Variants in ATF6 observed in about 807,000 individuals in gnomAD.
ATF6 encodes the protein activating transcription factor 6, also known as cyclic AMP-dependent transcription factor ATF-6 alpha.
Under a neutral mutation model 83.6 loss-of-function variants are expected in ATF6, and 53 were observed. The observed-to-expected ratio is 0.63, with a 90% confidence interval of 0.51 to 0.80. ATF6 has a LOEUF of 0.80. Ranked by LOEUF, ATF6 falls within the 30% of genes least tolerant of loss-of-function variation. ATF6 has a pLI of 0.00. For missense variants in ATF6, 744 were observed against 797.9 expected (o/e 0.93, Z 0.81); for synonymous variants, 288 against 285.8 (o/e 1.01, Z -0.08).
chr1:161,804,822 T>G (rs906481436), intron 7 of ATF6, among the ~76,000 whole-genome samples: 1 of 152,112 alleles, frequency 6.6e-6, no homozygotes, highest in African/African-American at 2.4e-5. Context: ...CAGACATCCT[T>G]TATTAGTTCT....
At chr1:161,863,343 AT>A in intron 14 of ATF6, 31 bp downstream of exon 14, 1 of 1,413,314 alleles carries the variant, frequency 7.1e-7, no homozygotes, top group Non-Finnish European at 1.0e-6. Flanking sequence ...TAGAGCAAAT[AT>A]TTTTGAGTGC....
intron 14 of ATF6, among the ~76,000 whole-genome samples, chr1:161,865,421 G>A (rs186431182): frequency 2.4e-4 from 37 of 152,310 alleles, no homozygotes; most frequent in African/African-American, 8.2e-4. Context: ...GCCTCCCAGA[G>A]TGCTGGAATT....
Position 161,791,432 on chromosome 1 carries a change from T to C in ATF6, c.379T>C (p.Ser127Pro). ...VPEELDLSSS[S>P]QMSPLSLYGE... ...GGAGGAGTTGGATTTGTCTTCTAGT[T>C]CTCAGATGTCTCCCCTTTCCTTATA... The change falls in exon 5 of 16, where the codon TCT becomes CCT. Residue 127 changes from serine (S) to proline (P), a missense_variant. Physicochemically the swap from Ser to Pro is moderately conservative, Grantham distance 74. Coordinates refer to ENST00000367942, the MANE Select transcript of ATF6 (RefSeq NM_007348.4). 1 of 1,610,494 alleles carries C rather than the reference T, an allele frequency of 6.2e-7. No homozygotes were observed. Among genetic ancestry groups the C allele is most frequent in the Non-Finnish European group, 8.5e-7 (1 of 1,179,062 alleles).
chr1:161,846,325 C>T, intron 9 of ATF6, 124 bp from the exon 10 acceptor site: 1 of 1,056,896 alleles, frequency 9.5e-7, no homozygotes, highest in Non-Finnish European at 1.3e-6. Context: ...TGCGTCTATG[C>T]CTAGCATTTT....
chr1:161,851,133 C>A (rs1046056564), intron 10 of ATF6, among the ~76,000 whole-genome samples: 10 of 125,512 alleles, frequency 8.0e-5, no homozygotes, highest in African/African-American at 2.9e-4. Context: ...CTCACCCTAT[C>A]CTTAACATAC....
In ATF6 at chr1:161,860,197, A is replaced by C. The variant is rs373974839; in HGVS notation, c.1534-10A>C. ...ACAGTATTAAACTTTTTTTTTTTTT[A>C]ATATTCCAGGGTGCTCTGGAACAGG... On this transcript the variant is annotated splice_polypyrimidine_tract_variant and intron_variant, in intron 12 of 15. Transcript: ENST00000367942. The C allele has an allele frequency of 2.8e-5, 43 of 1,544,644 alleles. No individual in the cohort carries two copies. In the African/African-American group the frequency reaches 4.4e-4, roughly 16 times the overall value.
intron 12 of ATF6, 67 bp from the exon 13 acceptor site, chr1:161,860,140 C>T (rs1686851892): frequency 2.9e-6 from 3 of 1,044,560 alleles, no homozygotes; most frequent in East Asian, 2.6e-5. Context: ...TAGAATGAAC[C>T]AGTATAGGAA....
At chr1:161,777,847 C>G (rs1684553020) in intron 1 of ATF6, among the ~76,000 whole-genome samples, 1 of 152,160 alleles carries the variant, frequency 6.6e-6, no homozygotes, top group Admixed American at 6.5e-5. Context: ...CTTTCCACAG[C>G]CCTCTCCTAT....
intron 10 of ATF6, among the ~76,000 whole-genome samples, chr1:161,848,124 A>T (rs938752171): frequency 7.3e-5 from 11 of 151,714 alleles, no homozygotes; most frequent in Non-Finnish European, 1.3e-4. Flanking sequence ...AAAAAAAACC[A>T]AAAAACAACC....
intron 15 of ATF6, among the ~76,000 whole-genome samples, chr1:161,957,153 G>GGCAT (rs991447216): frequency 1.4e-5 from 2 of 145,902 alleles, no homozygotes; most frequent in African/African-American, 5.0e-5. Flanking sequence ...TGTAATGCTT[G>GGCAT]GCATGCTCAG....
At chr1:161,803,780 G>A (rs1685212769) in intron 7 of ATF6, among the ~76,000 whole-genome samples, 1 of 152,080 alleles carries the variant, frequency 6.6e-6, no homozygotes, top group South Asian at 2.1e-4. Flanking sequence ...GATTTTCATG[G>A]GAGACCAACC....
chr1:161,932,325 A>G (rs550473577), intron 15 of ATF6, among the ~76,000 whole-genome samples: 1 of 152,242 alleles, frequency 6.6e-6, no homozygotes, highest in South Asian at 2.1e-4. Context: ...AGATTTTTTC[A>G]GGCATATTGG....
intron 15 of ATF6, among the ~76,000 whole-genome samples, chr1:161,927,774 TGAA>T (rs1171091901): frequency 5.9e-5 from 9 of 152,276 alleles, no homozygotes; most frequent in Admixed American, 2.0e-4. Context: ...CAGTGTTCGA[TGAA>T]GAAAGAATTA....
chr1:161,937,415 A>G (rs1688557997), intron 15 of ATF6, among the ~76,000 whole-genome samples: 1 of 151,558 alleles, frequency 6.6e-6, no homozygotes, highest in Admixed American at 6.6e-5. Flanking sequence ...CACCATAATT[A>G]CCATAAATAA....
At chr1:161,917,747 T>C (rs558579125) in intron 15 of ATF6, among the ~76,000 whole-genome samples, 2 of 152,292 alleles carry the variant, frequency 1.3e-5, no homozygotes, top group South Asian at 2.1e-4. Flanking sequence ...ACAATTTTGC[T>C]CATGAAACAA....
intron 15 of ATF6, among the ~76,000 whole-genome samples, chr1:161,948,915 T>A (rs545449743): frequency 1.3e-5 from 2 of 152,352 alleles, no homozygotes; most frequent in East Asian, 3.9e-4. Flanking sequence ...AGCAGCCAAG[T>A]TCAGCGTGGA....
chr1:161,948,202 A>C (rs10918279), intron 15 of ATF6, among the ~76,000 whole-genome samples: 97,764 of 151,876 alleles, frequency 0.64, 33,275 homozygotes, highest in Non-Finnish European at 0.77. Flanking sequence ...GGTAGTGACC[A>C]CTACTAGTTG....
At chr1:161,865,053 A>G (rs1452201350) in intron 14 of ATF6, among the ~76,000 whole-genome samples, 1 of 152,202 alleles carries the variant, frequency 6.6e-6, no homozygotes, top group Non-Finnish European at 1.5e-5. Context: ...AAAACAGTAT[A>G]ACAGATATTA....
intron 15 of ATF6, among the ~76,000 whole-genome samples, chr1:161,946,828 T>C (rs943940989): frequency 2.0e-5 from 3 of 152,228 alleles, no homozygotes; most frequent in Non-Finnish European, 4.4e-5. Context: ...AAAAAACTTC[T>C]CGCCCCTGAA....
Sources: allele counts gnomAD v4.1 joint callset (sites outside exome capture counted in the v4.1 genomes callset), GRCh38; gene constraint gnomAD v4.1.1; transcripts MANE v1.5; gene names NCBI Gene and HGNC (gene_info 2026-07-23, HGNC 2026-07-21).